CCDC169: variants seen among roughly 807,000 people sequenced by gnomAD.
CCDC169 encodes coiled-coil domain-containing protein 169.
CCDC169 carries 30 observed loss-of-function variants against 36.0 expected under a neutral mutation model. The observed-to-expected ratio is 0.83, with a 90% CI of 0.62 to 1.13. CCDC169 has a LOEUF of 1.13. Ranked by LOEUF, CCDC169 falls within the 50% of genes most tolerant of loss-of-function variation. The probability of loss-of-function intolerance (pLI) is 0.00; values close to 1 mark genes in which losing one functional copy is unlikely to be tolerated. For synonymous variants in CCDC169, 85 were observed against 81.5 expected, an observed-to-expected ratio of 1.04 and a Z score of -0.23; for missense variants, 245 against 245.9, an observed-to-expected ratio of 1.00 and a Z score of 0.03.
At chr13:36,269,650 A>G (rs923084537) in intron 4 of CCDC169, among the ~76,000 whole-genome samples, 5 of 152,234 alleles carry the variant, frequency 3.3e-5, no homozygotes, top group Admixed American at 3.3e-4. Flanking sequence ...ATATATCACA[A>G]AAAACAGAAT....
intron 7 of CCDC169, among the ~76,000 whole-genome samples, chr13:36,238,365 C>G (rs1455443160): frequency 6.6e-6 from 1 of 152,128 alleles, no homozygotes; most frequent in African/African-American, 2.4e-5. Context: ...CTCCTGGGCT[C>G]AAGTGATTGT....
intron 4 of CCDC169, among the ~76,000 whole-genome samples, chr13:36,255,539 G>A (rs1322051814): frequency 6.6e-6 from 1 of 151,836 alleles, no homozygotes. Flanking sequence ...GCGCATGCCT[G>A]TAATCCCAGC....
chr13:36,279,545 A>G (rs557382856), intron 4 of CCDC169, among the ~76,000 whole-genome samples: 1 of 152,328 alleles, frequency 6.6e-6, no homozygotes, highest in African/African-American at 2.4e-5. Flanking sequence ...TTACCTGAAG[A>G]GTTAATAAAA....
downstream of CCDC169, chr13:36,223,064 T>A (rs1263997435): frequency 6.6e-6 from 1 of 152,154 alleles, no homozygotes; most frequent in African/African-American, 2.4e-5. Context: ...CCATGCAATA[T>A]AAACACAAAA....
chr13:36,244,795 T>C (rs1316409077), intron 7 of CCDC169, among the ~76,000 whole-genome samples: 1 of 56,266 alleles, frequency 1.8e-5, no homozygotes, highest in Non-Finnish European at 3.2e-5. Flanking sequence ...TTGGGGACTC[T>C]GACAGTATAG....
chr13:36,274,868 ATT>A (rs3083971), intron 4 of CCDC169, among the ~76,000 whole-genome samples: 20 of 118,478 alleles, frequency 1.7e-4, no homozygotes, highest in Admixed American at 3.9e-4. Flanking sequence ...CATTAGCTGC[ATT>A]TTTTTTTTTT....
chr13:36,233,362 T>C (rs1566057780), intron 7 of CCDC169, among the ~76,000 whole-genome samples: 1 of 152,124 alleles, frequency 6.6e-6, no homozygotes, highest in Non-Finnish European at 1.5e-5. Context: ...AGAGTGGCCA[T>C]GTTACATATT....
intron 6 of CCDC169, among the ~76,000 whole-genome samples, chr13:36,249,604 G>C (rs1872898554): frequency 6.6e-6 from 1 of 152,172 alleles, no homozygotes; most frequent in Admixed American, 6.5e-5. Flanking sequence ...AAGCTAAGGT[G>C]GTAGTTTTAT....
At chr13:36,251,565 C>T (rs1182228862) in intron 6 of CCDC169, among the ~76,000 whole-genome samples, 1 of 151,960 alleles carries the variant, frequency 6.6e-6, no homozygotes, top group Non-Finnish European at 1.5e-5. Flanking sequence ...AAAAAAAATC[C>T]TCCAACAATG....
intron 6 of CCDC169, among the ~76,000 whole-genome samples, chr13:36,249,212 T>C (rs1177622139): frequency 4.6e-5 from 7 of 152,136 alleles, no homozygotes; most frequent in Non-Finnish European, 8.8e-5. Flanking sequence ...CAAGAGTGAA[T>C]GAGATCATTC....
At position 36,283,744 on chromosome 13, in the gene CCDC169, C is replaced by A. The variant is rs954800740; in HGVS notation, c.164-42G>T. On this transcript the variant is annotated intron_variant, in intron 2 of 7. Transcript: ENST00000239859. ...AGAAACAATCAAGATCACCCCACCA[C>A]CTCTCATTTATTCATTAAAATAACA... 7 of 1,371,458 alleles carry A rather than the reference C, an allele frequency of 5.1e-6. No homozygotes were observed. In the East Asian group the frequency reaches 1.3e-4, roughly 25 times the overall value. The allele number at this position is 1,371,458 out of a possible 1,614,324, so 85.0% of individuals were successfully genotyped here. A position where few individuals can be genotyped will look rare whatever the true frequency, so the allele number is the denominator to read the frequency against.
intron 6 of CCDC169, among the ~76,000 whole-genome samples, chr13:36,251,189 C>G (rs746173917): frequency 6.6e-6 from 1 of 152,210 alleles, no homozygotes; most frequent in African/African-American, 2.4e-5. Flanking sequence ...ACAGAGAGGA[C>G]AGCAGCAGAA....
At chr13:36,228,193 T>G (rs1055477149), downstream of CCDC169, among the ~76,000 whole-genome samples, 2 of 152,204 alleles carry the variant, frequency 1.3e-5, no homozygotes, top group Non-Finnish European at 2.9e-5. Flanking sequence ...CGAAGAGACT[T>G]GCTGTGTCAT....
At chr13:36,238,374 G>C (rs1229426951) in intron 7 of CCDC169, among the ~76,000 whole-genome samples, 4 of 152,136 alleles carry the variant, frequency 2.6e-5, no homozygotes, top group African/African-American at 9.7e-5. Context: ...TCAAGTGATT[G>C]TCCTGCCTTG....
chr13:36,264,653 T>C (rs1407022489), intron 4 of CCDC169, among the ~76,000 whole-genome samples: 1 of 152,216 alleles, frequency 6.6e-6, no homozygotes, highest in Non-Finnish European at 1.5e-5. Flanking sequence ...CTTAAAAATT[T>C]TTAATATACC....
intron 2 of CCDC169, among the ~76,000 whole-genome samples, chr13:36,285,671 G>A (rs896567055): frequency 8.4e-5 from 12 of 142,106 alleles, no homozygotes; most frequent in Non-Finnish European, 4.7e-5. Flanking sequence ...CGACCTATTA[G>A]TATACAGTCG....
rs567839202 is a variant in CCDC169, at chr13:36,295,837, A to G, written c.104T>C (p.Ile35Thr). ...VRKKDAVQLS[I>T]FELRHKITEL... ...CGTAATCTTGTGTCTTAGTTCAAAT[A>G]TTGAGAGTTGCACTGCATCCCTGTT... The change falls in exon 2 of 8, where the codon ATA becomes ACA. Residue 35 changes from isoleucine to threonine, a missense_variant. Physicochemically the swap from Ile to Thr is moderately conservative, Grantham distance 89 (BLOSUM62 -1). Coordinates refer to ENST00000239859, the MANE Select transcript of CCDC169 (RefSeq NM_001144981.3). 7 of 1,540,702 alleles carry G rather than the reference A, an allele frequency of 4.5e-6. No individual in the cohort carries two copies. In the African/African-American group the frequency reaches 9.6e-5, roughly 21 times the overall value.
rs373186333 is a variant in CCDC169 at position 36,236,297 on chromosome 13, T to C, written c.546-5005A>G. On this transcript the variant is annotated intron_variant, in intron 7 of 7. Coordinates refer to ENST00000239859, the MANE Select transcript of CCDC169 (RefSeq NM_001144981.3). Reference sequence around the variant, plus strand: ...AGACAGTATGGTATTGGCATAAGGATAGAGTTATAGATCAATGAAACACAA... The same window carrying C: ...AGACAGTATGGTATTGGCATAAGGACAGAGTTATAGATCAATGAAACACAA... 1.8e-4 allele frequency among the ~76,000 whole-genome samples: 27 copies of C among 152,160 alleles called. No homozygotes were observed. In the East Asian group the frequency reaches 3.1e-3, roughly 17 times the overall value.
chr13:36,256,791 T>C (rs2138492640), intron 4 of CCDC169, among the ~76,000 whole-genome samples: 1 of 152,334 alleles, frequency 6.6e-6, no homozygotes, highest in Admixed American at 6.5e-5. Flanking sequence ...CTGGGCTGTC[T>C]CTTCCCTTCT....
Sources: allele counts gnomAD v4.1 joint callset (sites outside exome capture counted in the v4.1 genomes callset), GRCh38; gene constraint gnomAD v4.1.1; transcripts MANE v1.5; gene names NCBI Gene and HGNC (gene_info 2026-07-23, HGNC 2026-07-21).